Variants in BDH1 observed in about 807,000 individuals in gnomAD.
BDH1 encodes D-beta-hydroxybutyrate dehydrogenase, mitochondrial.
In BDH1, 30 loss-of-function variants were observed where a neutral mutation model predicts 33.1. That is an observed-to-expected ratio of 0.91 (90% CI 0.68 to 1.23). The LOEUF is 1.23. BDH1 is among the 50% of genes most tolerant of loss of function. BDH1 has a pLI of 0.00. For missense variants in BDH1, 443 were observed against 464.4 expected, an observed-to-expected ratio of 0.95 and a Z score of 0.42; for synonymous variants, 190 against 183.6, an observed-to-expected ratio of 1.03 and a Z score of -0.28.
In BDH1 at chr3:197,550,013, G is replaced by T. The variant is rs189379663; in HGVS notation, c.-43-3527C>A. Among the ~76,000 whole-genome samples the T allele has an allele frequency of 6.5e-4, 92 of 141,634 alleles. 2 individuals carry two copies. The highest frequency in any genetic ancestry group is 1.0e-3 in the Non-Finnish European group (66 of 66,294). The allele number at this position is 141,634 out of a possible 152,430, so 92.9% of individuals were successfully genotyped here. ...TGGCCATTCCTCTTCCGAACATTTC[G>T]TAGAGTCTTGCTTGAAAGTTCCAAC... On this transcript the variant is annotated intron_variant, in intron 2 of 7. Coordinates refer to ENST00000392379, the MANE Select transcript of BDH1 (RefSeq NM_203314.3).
upstream of BDH1, among the ~76,000 whole-genome samples, chr3:197,556,662 C>T (rs1356324617): frequency 6.6e-6 from 1 of 152,006 alleles, no homozygotes; most frequent in Non-Finnish European, 1.5e-5. Context: ...AGTGCTCCGT[C>T]TCACAAAAAC....
chr3:197,549,324 T>C (rs1419715150), intron 2 of BDH1, among the ~76,000 whole-genome samples: 1 of 152,174 alleles, frequency 6.6e-6, no homozygotes, highest in Non-Finnish European at 1.5e-5. Flanking sequence ...TGTCAAGGTA[T>C]AACACATGGA....
intron 3 of BDH1, 120 bp downstream of exon 3, chr3:197,546,241 A>T: frequency 2.1e-6 from 2 of 935,018 alleles, no homozygotes; most frequent in Non-Finnish European, 3.3e-6. Context: ...TGGGAGACAA[A>T]GGTATTGAGA....
chr3:197,556,452 G>A (rs1429736940), upstream of BDH1, among the ~76,000 whole-genome samples: 1 of 152,220 alleles, frequency 6.6e-6, no homozygotes, highest in African/African-American at 2.4e-5. Context: ...TGGATCACTT[G>A]GGGTCAGGAG....
intron 2 of BDH1, among the ~76,000 whole-genome samples, chr3:197,548,330 C>T (rs1012771737): frequency 3.9e-5 from 6 of 152,220 alleles, no homozygotes; most frequent in Non-Finnish European, 7.3e-5. Context: ...ACACACATCT[C>T]TACCTCCTCC....
At chr3:197,570,602 C>T (rs535419372) in intron 1 of BDH1, among the ~76,000 whole-genome samples, 15 of 152,330 alleles carry the variant, frequency 9.8e-5, no homozygotes, top group South Asian at 2.1e-4. Flanking sequence ...CCTCAGGCTG[C>T]GGCTTCAGAG....
intron 2 of BDH1, among the ~76,000 whole-genome samples, chr3:197,546,984 C>T (rs777020758): frequency 4.6e-5 from 7 of 152,190 alleles, no homozygotes; most frequent in Non-Finnish European, 8.8e-5. Flanking sequence ...CTGACTCAGC[C>T]GTCCACCTCT....
At chr3:197,569,219 C>T (rs1717527807) in intron 1 of BDH1, among the ~76,000 whole-genome samples, 1 of 150,370 alleles carries the variant, frequency 6.7e-6, no homozygotes, top group Non-Finnish European at 1.5e-5. Flanking sequence ...TTTTAAAATC[C>T]CAGTTTCTGT....
In BDH1 at chr3:197,514,607, G is replaced by A. The variant is rs1712490495; in HGVS notation, c.410-191C>T. On this transcript the variant is annotated intron_variant, in intron 6 of 7. Transcript: ENST00000392379. This position sits in a 1 kb window ranked among gnomAD's most constrained non-coding sequence, Gnocchi z 4.2. Reference sequence around the variant, plus strand: ...AAAGAGGCCTAAAGTGCTGACTGCAGCCCTCCCTTGCGTCTAGAATGTCCA... The same window carrying A: ...AAAGAGGCCTAAAGTGCTGACTGCAACCCTCCCTTGCGTCTAGAATGTCCA... Among the ~76,000 whole-genome samples the A allele has an allele frequency of 6.6e-6, 1 of 152,142 alleles. No individual in the cohort carries two copies. The highest frequency in any genetic ancestry group is 2.4e-5 in the African/African-American group (1 of 41,422).
At chr3:197,537,058 G>A (rs1389968517) in intron 3 of BDH1, among the ~76,000 whole-genome samples, 3 of 151,878 alleles carry the variant, frequency 2.0e-5, no homozygotes, top group South Asian at 2.1e-4. Context: ...GCATGATCTC[G>A]GCTCACTGCA....
rs930394794 is a variant in BDH1, at chr3:197,566,591, A to C, written c.-44+6590T>G. 2.6e-5 allele frequency among the ~76,000 whole-genome samples: 4 copies of C among 152,252 alleles called. No homozygotes were observed. In the South Asian group the frequency reaches 8.3e-4, roughly 32 times the overall value. On this transcript the variant is annotated intron_variant, in intron 1 of 6. Transcript: ENST00000358186. ...GTAAAAAAATAATTACTCTGGCTGC[A>C]TTGTATACAAATAATTAGGCCAAGT...
At chr3:197,518,483 G>C (rs1335010090) in intron 6 of BDH1, among the ~76,000 whole-genome samples, 2 of 13,676 alleles carry the variant, frequency 1.5e-4, no homozygotes, top group African/African-American at 2.9e-4. Flanking sequence ...TGACCCCCCC[G>C]ATCAGTCACT....
chr3:197,519,656 T>C (rs1234847458), intron 6 of BDH1, among the ~76,000 whole-genome samples: 1 of 151,946 alleles, frequency 6.6e-6, no homozygotes, highest in African/African-American at 2.4e-5. Context: ...AGAGTAAGAC[T>C]CTGTCTCAAA....
At chr3:197,517,121 G>A (rs918478293) in intron 6 of BDH1, among the ~76,000 whole-genome samples, 3 of 151,886 alleles carry the variant, frequency 2.0e-5, no homozygotes, top group Non-Finnish European at 2.9e-5. Context: ...CCTGTCTCCT[G>A]GGCTGCTGGA....
At chr3:197,570,034 A>G (rs1717557736) in intron 1 of BDH1, among the ~76,000 whole-genome samples, 1 of 152,216 alleles carries the variant, frequency 6.6e-6, no homozygotes, top group African/African-American at 2.4e-5. Flanking sequence ...AATGATATGG[A>G]CAATGAAATC....
At chr3:197,564,356 TAA>T (rs1717364271) in intron 1 of BDH1, among the ~76,000 whole-genome samples, 1 of 151,990 alleles carries the variant, frequency 6.6e-6, no homozygotes, top group South Asian at 2.1e-4. Context: ...ATATTATTAT[TAA>T]GTTTTGGTTT....
In BDH1 at chr3:197,516,681, G is replaced by A. The variant is rs1560305765; in HGVS notation, c.410-2265C>T. ...GACTCACCCTAACCACAACCAACAC[G>A]TCAAGTTTCCAAGCTGCCCAAGCCT... is the stretch of plus-strand genomic sequence containing the variant. On this transcript the variant is annotated intron_variant, in intron 6 of 7. Transcript: ENST00000392379. This position sits in a 1 kb window ranked among gnomAD's most constrained non-coding sequence, Gnocchi z 4.2. Among the ~76,000 whole-genome samples, 1 of 151,910 alleles carries A rather than the reference G, an allele frequency of 6.6e-6. No individual in the cohort carries two copies. Among genetic ancestry groups the A allele is most frequent in the Admixed American group, 6.6e-5 (1 of 15,242 alleles).
At chr3:197,550,674 C>G (rs1716488824) in intron 2 of BDH1, among the ~76,000 whole-genome samples, 1 of 151,052 alleles carries the variant, frequency 6.6e-6, no homozygotes, top group African/African-American at 2.4e-5. Flanking sequence ...CCTGAAGCCA[C>G]AGAGAGAGGG....
chr3:197,538,563 A>G (rs11919456), intron 3 of BDH1: 99,797 of 346,268 alleles, frequency 0.29, 15,337 homozygotes, highest in African/African-American at 0.41. Context: ...TGTTGGCCAC[A>G]CTGGTCTCGA....
Sources: gnomAD v4.1 joint callset for allele counts (sites outside exome capture counted in the v4.1 genomes callset) on GRCh38, gnomAD v4.1.1 for gene constraint, Gnocchi (gnomAD v3.1) non-coding constraint, MANE v1.5 for transcripts, NCBI Gene and HGNC (gene_info 2026-07-23, HGNC 2026-07-21) for gene names.